Variants in OSBPL10 observed in about 807,000 individuals in gnomAD.
The protein encoded by OSBPL10 is oxysterol-binding protein-related protein 10.
OSBPL10 carries 49 observed loss-of-function variants against 81.7 expected under a neutral mutation model. That is an observed-to-expected ratio of 0.60 (90% CI 0.48 to 0.76). OSBPL10 has a LOEUF of 0.76. Among genes scored for constraint, OSBPL10 ranks in the 30% least tolerant of loss-of-function variants. OSBPL10 has a pLI of 0.00. For synonymous variants in OSBPL10, 419 were observed against 383.6 expected, an observed-to-expected ratio of 1.09 and a Z score of -1.08; for missense variants, 923 against 987.8, an observed-to-expected ratio of 0.93 and a Z score of 0.88.
chr3:31,707,704 G>C (rs17028043), intron 6 of OSBPL10, among the ~76,000 whole-genome samples: 2,660 of 152,290 alleles, frequency 0.017, 40 homozygotes, highest in South Asian at 0.036. Context: ...AAAGAGAACT[G>C]TCAGGTACAC....
intron 6 of OSBPL10, among the ~76,000 whole-genome samples, chr3:31,725,247 C>T (rs558747721): frequency 3.9e-5 from 6 of 152,252 alleles, no homozygotes; most frequent in African/African-American, 1.2e-4. Flanking sequence ...TTTAACTATA[C>T]TGGAACACAG....
chr3:32,007,206 A>G (rs1559548319), intron 2 of OSBPL10, among the ~76,000 whole-genome samples: 1 of 152,306 alleles, frequency 6.6e-6, no homozygotes, highest in East Asian at 1.9e-4. Flanking sequence ...TGCCTCAGAT[A>G]TTCTAGTTCT....
chr3:31,858,667 G>A (rs909282630), intron 3 of OSBPL10, among the ~76,000 whole-genome samples: 1 of 152,202 alleles, frequency 6.6e-6, no homozygotes, highest in African/African-American at 2.4e-5. Context: ...CCCCCAGAGA[G>A]CCTAGAGCAC....
chr3:31,694,983 A>C (rs896407277), intron 7 of OSBPL10, among the ~76,000 whole-genome samples: 1 of 152,062 alleles, frequency 6.6e-6, no homozygotes, highest in African/African-American at 2.4e-5. Context: ...CAAACTCCCA[A>C]CCTCAGGTGA....
intron 1 of OSBPL10, among the ~76,000 whole-genome samples, chr3:31,893,675 C>T (rs1695971673): frequency 6.6e-6 from 1 of 151,878 alleles, no homozygotes; most frequent in Admixed American, 6.6e-5. Flanking sequence ...CATATCCATC[C>T]CATGGCATAC....
chr3:31,665,148 A>T (rs1412154614), intron 10 of OSBPL10, among the ~76,000 whole-genome samples: 2 of 152,204 alleles, frequency 1.3e-5, no homozygotes, highest in African/African-American at 4.8e-5. Context: ...CTTATGTTTA[A>T]CACACAGCTT....
intron 3 of OSBPL10, among the ~76,000 whole-genome samples, chr3:31,869,529 G>A (rs1319067184): frequency 1.3e-5 from 2 of 152,184 alleles, no homozygotes; most frequent in African/African-American, 4.8e-5. Flanking sequence ...GAAGATTGAG[G>A]AAGGATTCCT....
intron 4 of OSBPL10, among the ~76,000 whole-genome samples, chr3:31,778,480 C>A (rs190686794): frequency 1.8e-3 from 273 of 152,056 alleles, no homozygotes; most frequent in African/African-American, 6.4e-3. Context: ...TAAGACAAGG[C>A]CTTTGAATTA....
intron 10 of OSBPL10, 91 bp from the exon 11 acceptor site, chr3:31,664,323 G>A (rs933892613): frequency 7.3e-7 from 1 of 1,374,602 alleles, no homozygotes; most frequent in African/African-American, 1.4e-5. Flanking sequence ...AGCAGCGAGG[G>A]GCCGCCAGGC....
chr3:31,854,481 AATG>A (rs1309620888), intron 3 of OSBPL10, among the ~76,000 whole-genome samples: 19 of 152,208 alleles, frequency 1.2e-4, no homozygotes, highest in Non-Finnish European at 2.4e-4. Context: ...TTAACATGGA[AATG>A]ATTAATAGGT....
intron 8 of OSBPL10, among the ~76,000 whole-genome samples, chr3:31,673,311 T>A (rs1184499241): frequency 6.6e-6 from 1 of 152,248 alleles, no homozygotes; most frequent in East Asian, 1.9e-4. Flanking sequence ...CTTTATATCT[T>A]ACTTCTTTGA....
chr3:31,690,771 G>A (rs1415566944), intron 7 of OSBPL10, among the ~76,000 whole-genome samples: 2 of 152,178 alleles, frequency 1.3e-5, no homozygotes, highest in Admixed American at 6.5e-5. Context: ...CTTCTGTTGT[G>A]TGTTTCATTG....
chr3:31,837,323 A>T (rs956327856), intron 3 of OSBPL10, among the ~76,000 whole-genome samples: 105 of 3,502 alleles, frequency 0.03, 2 homozygotes, highest in African/African-American at 0.036. Flanking sequence ...TCCCCAAATT[A>T]TATATATATA....
At position 31,728,888 on chromosome 3, in the gene OSBPL10, C is replaced by T. The variant is rs534741860; in HGVS notation, c.1095+4369G>A. Among the ~76,000 whole-genome samples, 9 of 152,146 alleles carry T rather than the reference C, an allele frequency of 5.9e-5. No homozygotes were observed. The South Asian group carries it at 1.2e-3, about 21-fold the overall frequency. On this transcript the variant is annotated intron_variant, in intron 6 of 11. Coordinates refer to ENST00000396556, the MANE Select transcript of OSBPL10 (RefSeq NM_017784.5). Reference sequence around the variant, plus strand: ...GGAAGTTGGAAGTTTTGCATTATACCGGTTGAGCATCCCAAATCCAAAAAT... The same window carrying T: ...GGAAGTTGGAAGTTTTGCATTATACTGGTTGAGCATCCCAAATCCAAAAAT...
intron 1 of OSBPL10, among the ~76,000 whole-genome samples, chr3:31,930,797 G>A (rs1480595948): frequency 2.6e-5 from 4 of 151,714 alleles, no homozygotes; most frequent in African/African-American, 4.8e-5. Context: ...GGTAGATCAC[G>A]AGGTCAGGAG....
At chr3:32,075,029 A>G (rs1249355663) in intron 1 of OSBPL10, among the ~76,000 whole-genome samples, 1 of 152,192 alleles carries the variant, frequency 6.6e-6, no homozygotes, top group Non-Finnish European at 1.5e-5. Flanking sequence ...GAGTCATCCG[A>G]CTAATCCCTT....
At chr3:31,669,005 A>C (rs1489593291) in intron 9 of OSBPL10, among the ~76,000 whole-genome samples, 181 bp from the exon 10 acceptor site, 1 of 152,206 alleles carries the variant, frequency 6.6e-6, no homozygotes, top group Non-Finnish European at 1.5e-5. Flanking sequence ...ACAGCAAAAG[A>C]AAGCATCACT....
rs530647052 is a variant in OSBPL10, at chr3:32,062,826, A to G, written n.185+14570T>C. Among the ~76,000 whole-genome samples, 2 of 94,962 alleles carry G rather than the reference A, an allele frequency of 2.1e-5. 1 individual carries two copies. Among genetic ancestry groups the G allele is most frequent in the East Asian group, 4.9e-4 (2 of 4,096 alleles). 62.3% of individuals were successfully genotyped at this position (94,962 alleles called of 152,430 possible). A position where few individuals can be genotyped will look rare whatever the true frequency, so the allele number is the denominator to read the frequency against. ...TTTTTATCCCCCAACAGGTTTTGCAAATCTTTGAAATTTAAAAATAAAAGC... is the reference window on the plus strand; with the variant it reads ...TTTTTATCCCCCAACAGGTTTTGCAGATCTTTGAAATTTAAAAATAAAAGC... On this transcript the variant is annotated intron_variant and non_coding_transcript_variant, in intron 1 of 3. Coordinates refer to the OSBPL10 transcript ENST00000479173.
At chr3:31,756,136 ACT>A in intron 4 of OSBPL10, among the ~76,000 whole-genome samples, 1 of 152,226 alleles carries the variant, frequency 6.6e-6, no homozygotes, top group Admixed American at 6.5e-5. Context: ...AAGCTGAATG[ACT>A]CTGCCAAAGT....
Sources: gnomAD v4.1 joint callset for allele counts (sites outside exome capture counted in the v4.1 genomes callset) on GRCh38, gnomAD v4.1.1 for gene constraint, MANE v1.5 for transcripts, NCBI Gene and HGNC (gene_info 2026-07-23, HGNC 2026-07-21) for gene names.